The following CNOT4 variants were observed in gnomAD, a reference collection of about 807,000 sequenced individuals.
CNOT4 encodes the protein CCR4-NOT transcription complex subunit 4.
Under a neutral mutation model 73.8 loss-of-function variants are expected in CNOT4, and 8 were observed. The ratio of observed to expected loss-of-function variants is 0.11; its 90% CI spans 0.06 to 0.20. The LOEUF (loss-of-function observed/expected upper bound fraction) is 0.20. Among genes scored for constraint, CNOT4 ranks in the 10% least tolerant of loss-of-function variants. The pLI is 1.00. For missense variants in CNOT4, 564 were observed against 883.4 expected, an observed-to-expected ratio of 0.64 and a Z score of 4.58; for synonymous variants, 293 against 321.1, an observed-to-expected ratio of 0.91 and a Z score of 0.94.
At chr7:135,496,212 C>A (rs1271624684) in intron 1 of CNOT4, among the ~76,000 whole-genome samples, 2 of 152,172 alleles carry the variant, frequency 1.3e-5, no homozygotes, top group African/African-American at 4.8e-5. Flanking sequence ...TATGCCTCAG[C>A]CTCCCAAGTA....
At chr7:135,383,991 G>A (rs1336975118) in intron 10 of CNOT4, among the ~76,000 whole-genome samples, 1 of 152,040 alleles carries the variant, frequency 6.6e-6, no homozygotes, top group Non-Finnish European at 1.5e-5. Flanking sequence ...TAAACCAGAG[G>A]AACATACAAA....
intron 2 of CNOT4, among the ~76,000 whole-genome samples, chr7:135,431,464 C>T (rs187555031): frequency 4.6e-5 from 7 of 152,238 alleles, no homozygotes; most frequent in Middle Eastern, 3.4e-3. Context: ...CAATATCGGG[C>T]TGGGTGCGGT....
intron 1 of CNOT4, among the ~76,000 whole-genome samples, chr7:135,506,025 T>G (rs992595639): frequency 2.0e-5 from 3 of 152,230 alleles, no homozygotes; most frequent in Non-Finnish European, 4.4e-5. Context: ...GGGTAAATTA[T>G]GCTAGCTTTT....
chr7:135,385,428 C>T (rs1410701342), intron 10 of CNOT4, among the ~76,000 whole-genome samples: 1 of 152,162 alleles, frequency 6.6e-6, no homozygotes, highest in Non-Finnish European at 1.5e-5. Flanking sequence ...TGGACCTGTG[C>T]CAGAGCTCTG....
intron 1 of CNOT4, among the ~76,000 whole-genome samples, chr7:135,449,510 T>C (rs1389688106): frequency 1.3e-5 from 2 of 151,884 alleles, no homozygotes; most frequent in South Asian, 2.1e-4. Context: ...AGATACAAAG[T>C]AGTAAAATTG....
intron 7 of CNOT4, among the ~76,000 whole-genome samples, chr7:135,401,979 G>A (rs1322712101): frequency 6.6e-6 from 1 of 152,102 alleles, no homozygotes; most frequent in East Asian, 1.9e-4. Flanking sequence ...ATTCCCAGAA[G>A]GCAATGCTGT....
At chr7:135,387,839 T>G (rs1462801382) in intron 10 of CNOT4, 1 of 979,180 alleles carries the variant, frequency 1.0e-6, no homozygotes, top group South Asian at 4.7e-5. Flanking sequence ...ACAATTTAGG[T>G]GGCCTAATTT....
intron 1 of CNOT4, among the ~76,000 whole-genome samples, chr7:135,499,910 A>G (rs945083562): frequency 6.6e-5 from 10 of 152,168 alleles, no homozygotes; most frequent in African/African-American, 2.4e-4. Flanking sequence ...TTTCTATTCT[A>G]GTGTTCATTT....
Position 135,438,364 on chromosome 7 carries a change from TA to T in CNOT4, c.-34del. 1 of 1,552,538 alleles carries T rather than the reference TA, an allele frequency of 6.4e-7. No homozygotes were observed. The highest frequency in any genetic ancestry group is 8.7e-7 in the Non-Finnish European group (1 of 1,147,600). On this transcript the variant is annotated 5_prime_UTR_variant, in exon 2 of 12. Coordinates refer to ENST00000541284, the MANE Select transcript of CNOT4 (RefSeq NM_001190850.2). ...TTTATTAAACAGCAGCAAAAGTTTA[TA>T]ATAATTTAAGGGAGAAGGAAGTTCA...
chr7:135,501,873 C>T (rs917867013), intron 1 of CNOT4, among the ~76,000 whole-genome samples: 11 of 152,154 alleles, frequency 7.2e-5, no homozygotes, highest in Admixed American at 2.0e-4. Context: ...TCCTCCACAA[C>T]GCATATTGAA....
At chr7:135,480,632 T>C (rs1446042475) in intron 1 of CNOT4, among the ~76,000 whole-genome samples, 4 of 152,202 alleles carry the variant, frequency 2.6e-5, no homozygotes, top group South Asian at 2.1e-4. Context: ...CATAGCTCAT[T>C]GCAGTTTCAA....
At chr7:135,382,791 T>C (rs1454563590) in intron 10 of CNOT4, among the ~76,000 whole-genome samples, 1 of 152,230 alleles carries the variant, frequency 6.6e-6, no homozygotes, top group Non-Finnish European at 1.5e-5. Flanking sequence ...ATTTAAAATA[T>C]ACGGCCTCCC....
intron 1 of CNOT4, among the ~76,000 whole-genome samples, chr7:135,452,483 C>A (rs1437558667): frequency 6.6e-6 from 1 of 151,990 alleles, no homozygotes; most frequent in Non-Finnish European, 1.5e-5. Context: ...GGCAGGAGAA[C>A]CACATGAACC....
chr7:135,444,838 T>A, intron 1 of CNOT4: 3 of 1,607,494 alleles, frequency 1.9e-6, no homozygotes, highest in Middle Eastern at 2.3e-4. Flanking sequence ...GCAGGGCTTT[T>A]GGCACTTTCA....
intron 10 of CNOT4, among the ~76,000 whole-genome samples, chr7:135,372,427 A>G (rs1295575276): frequency 1.3e-5 from 2 of 152,206 alleles, no homozygotes; most frequent in African/African-American, 2.4e-5. Flanking sequence ...TTTTACAACT[A>G]GACTTTGAGC....
chr7:135,477,299 C>T (rs925469193), intron 1 of CNOT4, among the ~76,000 whole-genome samples: 1 of 151,244 alleles, frequency 6.6e-6, no homozygotes, highest in Non-Finnish European at 1.5e-5. Context: ...GCTGGGATTG[C>T]GCCACTGCAC....
chr7:135,444,656 CAAG>C lies in CNOT4; in HGVS notation c.-92-6236_-92-6234del, dbSNP rs773398766. 4.7e-5 allele frequency: 55 copies of C among 1,163,410 alleles called. No individual in the cohort carries two copies. The South Asian group carries it at 6.2e-4, about 13-fold the overall frequency. The allele number at this position is 1,163,410 out of a possible 1,614,324, so 72.1% of individuals were successfully genotyped here. A position where few individuals can be genotyped will look rare whatever the true frequency, so the allele number is the denominator to read the frequency against. ...AGGCTGCATCTCTCCACTGGACTAG[CAAG>C]AAGGTTTTCAGTGTTTTGCTCCTGG... On this transcript the variant is annotated intron_variant, in intron 1 of 11. Transcript: ENST00000541284.
At chr7:135,381,472 C>T (rs1795843143) in intron 10 of CNOT4, among the ~76,000 whole-genome samples, 1 of 152,174 alleles carries the variant, frequency 6.6e-6, no homozygotes, top group African/African-American at 2.4e-5. Flanking sequence ...GCCTAGAGCT[C>T]CTTGCACTGC....
At chr7:135,426,122 G>A (rs1454395558) in intron 2 of CNOT4, among the ~76,000 whole-genome samples, 2 of 152,136 alleles carry the variant, frequency 1.3e-5, no homozygotes, top group African/African-American at 2.4e-5. Flanking sequence ...GCTGAGGCAG[G>A]AGGGATGCTT....
Sources: allele counts gnomAD v4.1 joint callset (sites outside exome capture counted in the v4.1 genomes callset), GRCh38; gene constraint gnomAD v4.1.1; transcripts MANE v1.5; gene names NCBI Gene and HGNC (gene_info 2026-07-23, HGNC 2026-07-21).